Variants in ARF1 observed in about 807,000 individuals in gnomAD.
ARF1 encodes the protein ARF GTPase 1, also known as ADP-ribosylation factor 1.
A neutral mutation model predicts 18.0 loss-of-function variants in ARF1; 1 was observed. The ratio of observed to expected loss-of-function variants is 0.06; its 90% CI spans 0.02 to 0.26. ARF1 has a LOEUF of 0.26. ARF1 is among the 10% of genes least tolerant of loss of function. The pLI, the probability that ARF1 is intolerant of heterozygous loss-of-function variation, is 1.00. For missense variants in ARF1, 73 were observed against 247.2 expected (o/e 0.30, Z 4.73); for synonymous variants, 112 against 96.3 (o/e 1.16, Z -0.95).
At position 228,098,538 on chromosome 1, in the gene ARF1, C is replaced by G. The variant is rs929762344; in HGVS notation, c.*525C>G. 1 of 152,916 alleles carries G rather than the reference C, an allele frequency of 6.5e-6. No individual in the cohort carries two copies. The highest frequency in any genetic ancestry group is 1.5e-5 in the Non-Finnish European group (1 of 68,284). 9.5% of individuals were successfully genotyped at this position (152,916 alleles called of 1,614,324 possible). On this transcript the variant is annotated 3_prime_UTR_variant, in exon 5 of 5. Transcript: ENST00000272102. ...CAGTCGCCAGCCCAGCTGTTCCCCT[C>G]GGGAACATGAGGTGGTGGTGGCGCA...
intron 1 of ARF1, among the ~76,000 whole-genome samples, chr1:228,096,254 C>G (rs1300488378): frequency 6.6e-6 from 1 of 152,252 alleles, no homozygotes; most frequent in Non-Finnish European, 1.5e-5. Flanking sequence ...CTCACAGGCT[C>G]CTGGCATGTC....
At chr1:228,084,211 T>A (rs2032318855) in intron 1 of ARF1, among the ~76,000 whole-genome samples, 1 of 152,194 alleles carries the variant, frequency 6.6e-6, no homozygotes, top group Admixed American at 6.5e-5. Flanking sequence ...ACTGCCTAGG[T>A]AGCCAGAACC....
intron 1 of ARF1, among the ~76,000 whole-genome samples, chr1:228,092,918 A>G (rs2032618963): frequency 6.6e-6 from 1 of 152,210 alleles, no homozygotes; most frequent in Admixed American, 6.5e-5. Flanking sequence ...TAGCTGCCAG[A>G]GTTGACTGTC....
At chr1:228,093,462 A>G (rs1241075188) in intron 1 of ARF1, among the ~76,000 whole-genome samples, 3 of 152,080 alleles carry the variant, frequency 2.0e-5, no homozygotes, top group Admixed American at 6.6e-5. Context: ...CCCTCTGCCC[A>G]TATGTGCAGC....
chr1:228,094,782 G>A (rs1402619959), intron 1 of ARF1, among the ~76,000 whole-genome samples: 1 of 152,148 alleles, frequency 6.6e-6, no homozygotes, highest in Non-Finnish European at 1.5e-5. Flanking sequence ...TGGATACTTT[G>A]GCTGGGTATA....
chr1:228,088,747 C>G (rs371394465), intron 1 of ARF1, among the ~76,000 whole-genome samples: 77 of 152,218 alleles, frequency 5.1e-4, no homozygotes, highest in African/African-American at 1.5e-3. Context: ...TGGCCGCCAC[C>G]CTTGGTCCTC....
chr1:228,086,447 T>G (rs979269651), intron 1 of ARF1, among the ~76,000 whole-genome samples: 1 of 146,506 alleles, frequency 6.8e-6, no homozygotes. Context: ...ACCCGGGAGG[T>G]GGAGCTTGCA....
intron 1 of ARF1, chr1:228,083,142 C>T (rs1418464083): frequency 6.6e-6 from 1 of 152,236 alleles, no homozygotes; most frequent in African/African-American, 2.4e-5. Context: ...TTCTCGTTTC[C>T]CGAGGCCGCC....
chr1:228,091,737 T>C (rs2124849641), intron 1 of ARF1, among the ~76,000 whole-genome samples: 1 of 152,324 alleles, frequency 6.6e-6, no homozygotes, highest in Non-Finnish European at 1.5e-5. Flanking sequence ...CAAAATGTAA[T>C]GCAGTGCTCA....
intron 1 of ARF1, among the ~76,000 whole-genome samples, chr1:228,093,028 G>A (rs1401110234): frequency 6.6e-6 from 1 of 152,100 alleles, no homozygotes; most frequent in Non-Finnish European, 1.5e-5. Context: ...TTTCCTCAGA[G>A]TTGGAGCCCA....
Position 228,097,518 on chromosome 1 carries a change from T to C in ARF1, c.259+66T>C, listed in dbSNP as rs1558087654. The C allele has an allele frequency of 1.2e-5, 19 of 1,613,400 alleles. No individual in the cohort carries two copies. Among genetic ancestry groups the C allele is most frequent in the African/African-American group, 2.7e-5 (2 of 74,782 alleles). On this transcript the variant is annotated intron_variant, in intron 3 of 4. Coordinates refer to ENST00000272102, the MANE Select transcript of ARF1 (RefSeq NM_001658.4). This position sits in a 1 kb window ranked among gnomAD's most constrained non-coding sequence, Gnocchi z 8.1. ...TAGAGAGGGGGGGCCAGCCCATAGA[T>C]GGGGCATCGATGCCCATAGATGCGG...
Position 228,082,711 on chromosome 1 carries a change from G to A in ARF1, c.-92G>A, listed in dbSNP as rs1468160616. ...AGGCGCTGACGTGGCCGCCGTCAGAGCCGCCATCTTGTGGGAGCAAAACCA... is the reference window on the plus strand; with the variant it reads ...AGGCGCTGACGTGGCCGCCGTCAGAACCGCCATCTTGTGGGAGCAAAACCA... On this transcript the variant is annotated 5_prime_UTR_variant, in exon 1 of 5. Transcript: ENST00000272102. This position sits in a 1 kb window ranked among gnomAD's most constrained non-coding sequence, Gnocchi z 6.1. 2 of 152,034 alleles carry A rather than the reference G, an allele frequency of 1.3e-5. No homozygotes were observed. Among genetic ancestry groups the A allele is most frequent in the East Asian group, 3.9e-4 (2 of 5,138 alleles). The allele number at this position is 152,034 out of a possible 1,614,324, so 9.4% of individuals were successfully genotyped here.
intron 1 of ARF1, among the ~76,000 whole-genome samples, chr1:228,092,297 A>C (rs1010263534): frequency 6.6e-6 from 1 of 152,162 alleles, no homozygotes; most frequent in African/African-American, 2.4e-5. Context: ...AAATATTAAA[A>C]ATCAGCTAGG....
intron 1 of ARF1, chr1:228,083,327 G>C (rs1283598381): frequency 2.0e-5 from 3 of 152,282 alleles, no homozygotes; most frequent in Non-Finnish European, 2.9e-5. Context: ...GTGGGGGCTT[G>C]CATCTTCGCC....
rs2032601988 is a variant in ARF1, at chr1:228,092,292, T to C, written c.-37-4786T>C. 2.0e-5 allele frequency among the ~76,000 whole-genome samples: 3 copies of C among 152,108 alleles called. No homozygotes were observed. In the East Asian group the frequency reaches 5.8e-4, roughly 29 times the overall value. On this transcript the variant is annotated intron_variant, in intron 1 of 4. Coordinates refer to ENST00000272102, the MANE Select transcript of ARF1 (RefSeq NM_001658.4). ...AGCGAGACCCTGTCTATAGAAAATA[T>C]TAAAAATCAGCTAGGCATGGTGGCT...
chr1:228,086,409 G>A (rs761217563), intron 1 of ARF1, among the ~76,000 whole-genome samples: 1 of 151,992 alleles, frequency 6.6e-6, no homozygotes, highest in Admixed American at 6.6e-5. Context: ...CCAGCTACCC[G>A]GGAGGCTGGG....
At chr1:228,095,785 G>T (rs2032725591) in intron 1 of ARF1, among the ~76,000 whole-genome samples, 1 of 152,200 alleles carries the variant, frequency 6.6e-6, no homozygotes, top group Non-Finnish European at 1.5e-5. Flanking sequence ...GTGGTTGCAG[G>T]AGTGGACTGA....
At chr1:228,085,405 A>G (rs1420408664) in intron 1 of ARF1, among the ~76,000 whole-genome samples, 1 of 152,250 alleles carries the variant, frequency 6.6e-6, no homozygotes, top group Admixed American at 6.5e-5. Context: ...TGACCTTGTT[A>G]GCGACTTGAC....
chr1:228,086,139 A>G (rs2032390567), intron 1 of ARF1, among the ~76,000 whole-genome samples: 1 of 152,214 alleles, frequency 6.6e-6, no homozygotes, highest in South Asian at 2.1e-4. Context: ...TTTTGCCTTC[A>G]GTAGTTAACA....
Sources: gnomAD v4.1 joint callset for allele counts (sites outside exome capture counted in the v4.1 genomes callset) on GRCh38, gnomAD v4.1.1 for gene constraint, Gnocchi (gnomAD v3.1) non-coding constraint, MANE v1.5 for transcripts, NCBI Gene and HGNC (gene_info 2026-07-23, HGNC 2026-07-21) for gene names.